The following PLA2G2C variants were observed in gnomAD, a reference collection of about 807,000 sequenced individuals.
PLA2G2C encodes the protein putative inactive group IIC secretory phospholipase A2.
In PLA2G2C, 15 loss-of-function variants were observed where a neutral mutation model predicts 14.3. The ratio of observed to expected loss-of-function variants is 1.05; its 90% confidence interval spans 0.70 to 1.62. The LOEUF (loss-of-function observed/expected upper bound fraction) is 1.62, where lower values mean the gene tolerates loss of function less well. Among genes scored for constraint, PLA2G2C ranks in the 40% most tolerant of loss-of-function variants. PLA2G2C has a pLI of 0.00. For synonymous variants in PLA2G2C, 79 were observed against 67.7 expected (o/e 1.17, Z -0.82); for missense variants, 162 against 173.2 (o/e 0.94, Z 0.36).
chr1:20,182,152 A>G (rs942150341), intron 1 of PLA2G2C, among the ~76,000 whole-genome samples: 3 of 152,204 alleles, frequency 2.0e-5, no homozygotes, highest in Admixed American at 6.5e-5. Flanking sequence ...ATATTTTCCA[A>G]CAATACGGGG....
intron 1 of PLA2G2C, among the ~76,000 whole-genome samples, chr1:20,183,376 G>A (rs1006669543): frequency 7.2e-5 from 11 of 152,234 alleles, no homozygotes; most frequent in East Asian, 1.9e-4. Flanking sequence ...TAAGGGCCAT[G>A]GGGGAACACG....
chr1:20,183,827 A>G (rs2018316478), intron 1 of PLA2G2C, among the ~76,000 whole-genome samples: 1 of 152,242 alleles, frequency 6.6e-6, no homozygotes, highest in African/African-American at 2.4e-5. Flanking sequence ...GCTGCAGCCC[A>G]GGGAGAGAGC....
chr1:20,185,472 T>C (rs2018355000), intron 1 of PLA2G2C, among the ~76,000 whole-genome samples: 1 of 152,060 alleles, frequency 6.6e-6, no homozygotes, highest in African/African-American at 2.4e-5. Flanking sequence ...GAAAAACAGA[T>C]ACAGCGGAAG....
chr1:20,185,571 C>A (rs932913306), intron 1 of PLA2G2C, among the ~76,000 whole-genome samples: 2 of 152,110 alleles, frequency 1.3e-5, no homozygotes, highest in African/African-American at 4.8e-5. Flanking sequence ...AGTGTGGCCC[C>A]GGAGTGGGAG....
intron 3 of PLA2G2C, 96 bp from the exon 4 acceptor site, chr1:20,172,993 G>T (rs2018115416): frequency 3.7e-6 from 3 of 807,566 alleles, no homozygotes; most frequent in Admixed American, 4.8e-5. Flanking sequence ...GGCATTGAAG[G>T]TGAGGAGGTG....
intron 3 of PLA2G2C, among the ~76,000 whole-genome samples, 173 bp downstream of exon 3, chr1:20,174,834 G>C (rs966699347): frequency 2.6e-5 from 4 of 152,202 alleles, no homozygotes; most frequent in African/African-American, 9.6e-5. Flanking sequence ...AGCTGGCCCC[G>C]ACCCTGGGTT....
At chr1:20,164,910 A>G (rs907711245) in intron 4 of PLA2G2C, among the ~76,000 whole-genome samples, 1 of 152,176 alleles carries the variant, frequency 6.6e-6, no homozygotes, top group Admixed American at 6.5e-5. Flanking sequence ...AATCTCTGTC[A>G]TCAGCAGCTC....
At chr1:20,183,693 T>G (rs772906126) in intron 1 of PLA2G2C, among the ~76,000 whole-genome samples, 8 of 152,114 alleles carry the variant, frequency 5.3e-5, no homozygotes, top group Non-Finnish European at 8.8e-5. Context: ...AAGAGGTGGC[T>G]TTTAAGATGG....
At position 20,164,302 on chromosome 1, in the gene PLA2G2C, A is replaced by G. The variant is rs1179557063; in HGVS notation, c.284-145T>C. ...CACTGAAAGGGATACGTGTATGCAT[A>G]TGTGTGCATGTGTGTGTGTGCATAT... On this transcript the variant is annotated intron_variant, in intron 4 of 4. Coordinates refer to ENST00000679259, the MANE Select transcript of PLA2G2C (RefSeq NM_001367969.2). 7 of 737,434 alleles carry G rather than the reference A, an allele frequency of 9.5e-6. No homozygotes were observed. The East Asian group carries it at 1.9e-4, about 20-fold the overall frequency. The allele number at this position is 737,434 out of a possible 1,614,324, so 45.7% of individuals were successfully genotyped here. A position where few individuals can be genotyped will look rare whatever the true frequency, so the allele number is the denominator to read the frequency against.
At chr1:20,176,530 G>A (rs1569935179) in intron 2 of PLA2G2C, among the ~76,000 whole-genome samples, 1 of 152,322 alleles carries the variant, frequency 6.6e-6, no homozygotes, top group East Asian at 1.9e-4. Context: ...CTAAACGGGG[G>A]TGTGGCGGAA....
At chr1:20,184,558 T>C (rs887377585) in intron 1 of PLA2G2C, 2 of 152,308 alleles carry the variant, frequency 1.3e-5, no homozygotes, top group Admixed American at 1.3e-4. Context: ...AGACTTCCCT[T>C]CTGAGACGAG....
At chr1:20,179,212 C>CTGTGTGTGTG (rs35377696) in intron 1 of PLA2G2C, among the ~76,000 whole-genome samples, 2 of 149,764 alleles carry the variant, frequency 1.3e-5, no homozygotes, top group East Asian at 2.0e-4. Context: ...GTCAGTTTCT[C>CTGTGTGTGTG]TGTGTGTGTG....
At chr1:20,179,208 T>TTC (rs574204850) in intron 1 of PLA2G2C, among the ~76,000 whole-genome samples, 4,089 of 132,128 alleles carry the variant, frequency 0.031, 172 homozygotes, top group African/African-American at 0.12. Context: ...CTATGTCAGT[T>TTC]TCTCTGTGTG....
intron 4 of PLA2G2C, among the ~76,000 whole-genome samples, chr1:20,167,888 T>C (rs1557785299): frequency 6.6e-6 from 1 of 152,214 alleles, no homozygotes; most frequent in South Asian, 2.1e-4. Context: ...CCAAACGCTG[T>C]CATTTTGCAG....
In PLA2G2C at chr1:20,177,344, A is replaced by C; in HGVS notation, c.20T>G (p.Leu7Arg). ...CTTACAGCAGAAGAGGAGGAGGGTG[A>C]GGATGGCAATGACCTTCATTCCTGA... MKVIAI[L>R]TLLLFCSPTH... is the part of the protein sequence containing the mutation. The change falls in exon 2 of 5, where the codon CTC becomes CGC. Residue 7 changes from leucine (L) to arginine (R), a missense_variant. Transcript: ENST00000679259. 1 of 700,704 alleles carries C rather than the reference A, an allele frequency of 1.4e-6. No homozygotes were observed. Among genetic ancestry groups the C allele is most frequent in the Non-Finnish European group, 2.6e-6 (1 of 384,732 alleles). The allele number at this position is 700,704 out of a possible 1,614,324, so 43.4% of individuals were successfully genotyped here. A position where few individuals can be genotyped will look rare whatever the true frequency, so the allele number is the denominator to read the frequency against.
chr1:20,174,898 T>C (rs932611242), intron 3 of PLA2G2C, 109 bp downstream of exon 3: 95 of 1,134,832 alleles, frequency 8.4e-5, no homozygotes, highest in Non-Finnish European at 1.2e-4. Flanking sequence ...TTAGCCTGAG[T>C]TGTTTTCTGT....
intron 4 of PLA2G2C, among the ~76,000 whole-genome samples, chr1:20,169,966 C>G (rs1487948992): frequency 6.6e-6 from 1 of 152,230 alleles, no homozygotes; most frequent in Non-Finnish European, 1.5e-5. Context: ...GGCCTCCAAT[C>G]ATGCACACAC....
At chr1:20,182,886 C>G (rs552059337) in intron 1 of PLA2G2C, among the ~76,000 whole-genome samples, 1 of 152,356 alleles carries the variant, frequency 6.6e-6, no homozygotes, top group Admixed American at 6.5e-5. Flanking sequence ...TTCAGCAAGC[C>G]CCTGGGGAGG....
At chr1:20,175,666 C>T (rs1569934055) in intron 2 of PLA2G2C, among the ~76,000 whole-genome samples, 1 of 152,078 alleles carries the variant, frequency 6.6e-6, no homozygotes, top group South Asian at 2.1e-4. Context: ...AGAGTGGGCA[C>T]AAATGCATAC....
Sources: allele counts gnomAD v4.1 joint callset (sites outside exome capture counted in the v4.1 genomes callset), GRCh38; gene constraint gnomAD v4.1.1; transcripts MANE v1.5; gene names NCBI Gene and HGNC (gene_info 2026-07-23, HGNC 2026-07-21).